ARHGEF7: variants seen among roughly 807,000 people sequenced by gnomAD.
The protein encoded by ARHGEF7 is PAK-interacting exchange factor beta.
A neutral mutation model predicts 109.8 loss-of-function variants in ARHGEF7; 33 were observed. That is an observed-to-expected ratio of 0.30 (90% CI 0.23 to 0.40). ARHGEF7 has a LOEUF of 0.40. ARHGEF7 is among the 10% of genes least tolerant of loss of function. The probability of loss-of-function intolerance (pLI) is 1.00; values close to 1 mark genes in which losing one functional copy is unlikely to be tolerated. For synonymous variants in ARHGEF7, 458 were observed against 424.6 expected (o/e 1.08, Z -0.97); for missense variants, 938 against 1,098.5 (o/e 0.85, Z 2.07).
chr13:111,288,520 T>G, intron 18 of ARHGEF7, 77 bp downstream of exon 18: 1 of 1,198,096 alleles, frequency 8.3e-7, no homozygotes, highest in Non-Finnish European at 1.2e-6. Flanking sequence ...AAGGAACCTG[T>G]TGTGGTAGGC....
chr13:111,271,071 G>A (rs575094329), intron 9 of ARHGEF7, among the ~76,000 whole-genome samples: 7 of 151,628 alleles, frequency 4.6e-5, no homozygotes, highest in South Asian at 4.1e-4. Flanking sequence ...GTGATGGTGT[G>A]GGCAGTGGCC....
chr13:111,241,652 G>A (rs2153541353), intron 6 of ARHGEF7, among the ~76,000 whole-genome samples: 1 of 152,342 alleles, frequency 6.6e-6, no homozygotes, highest in Non-Finnish European at 1.5e-5. Context: ...AGCGCTTAGT[G>A]CTGTGACGGA....
rs2092298279 is a variant in ARHGEF7, at chr13:111,273,402, G to A, written c.1074-412G>A. 6.6e-6 allele frequency among the ~76,000 whole-genome samples: 1 copy of A among 152,360 alleles called. No homozygotes were observed. Among genetic ancestry groups the A allele is most frequent in the South Asian group, 2.1e-4 (1 of 4,822 alleles). ...ATCTGGGGATGACTACCATCAGTGTGCTCTAGCTCTTTACCGGAGCAGCTC... is the reference window on the plus strand; with the variant it reads ...ATCTGGGGATGACTACCATCAGTGTACTCTAGCTCTTTACCGGAGCAGCTC... On this transcript the variant is annotated intron_variant, in intron 9 of 21. Transcript: ENST00000646102. The surrounding 1 kb of genome is among the most constrained non-coding windows in gnomAD (Gnocchi z 4.5).
chr13:111,149,856 A>G (rs1212880563), intron 1 of ARHGEF7, among the ~76,000 whole-genome samples: 1 of 152,240 alleles, frequency 6.6e-6, no homozygotes, highest in Non-Finnish European at 1.5e-5. Flanking sequence ...TCCTGAAAAA[A>G]GCATTAAGTG....
chr13:111,210,140 C>T (rs1367006959), intron 4 of ARHGEF7, 138 bp downstream of exon 4: 1 of 1,140,476 alleles, frequency 8.8e-7, no homozygotes, highest in Non-Finnish European at 1.2e-6. Flanking sequence ...TCCGTTGTGC[C>T]TGTAATCTGG....
At chr13:111,221,503 C>A (rs985212608) in intron 5 of ARHGEF7, among the ~76,000 whole-genome samples, 679 of 47,936 alleles carry the variant, frequency 0.014, 31 homozygotes, top group Middle Eastern at 0.14. Flanking sequence ...ATATATATAT[C>A]TATATATATA....
At chr13:111,223,506 G>T (rs1419704383) in intron 5 of ARHGEF7, among the ~76,000 whole-genome samples, 1 of 152,188 alleles carries the variant, frequency 6.6e-6, no homozygotes, top group South Asian at 2.1e-4. Flanking sequence ...TTTATCTCCA[G>T]ATAAATTGAC....
At chr13:111,221,199 C>CTA (rs369551186) in intron 5 of ARHGEF7, among the ~76,000 whole-genome samples, 4,664 of 47,152 alleles carry the variant, frequency 0.099, 702 homozygotes, top group Middle Eastern at 0.23. Flanking sequence ...CTATATATAT[C>CTA]TATATAGATA....
chr13:111,138,687 C>A (rs566234852), intron 1 of ARHGEF7, among the ~76,000 whole-genome samples: 1 of 152,160 alleles, frequency 6.6e-6, no homozygotes, highest in Admixed American at 6.5e-5. Flanking sequence ...ACCAAAGACA[C>A]ATTGCTCAAT....
intron 8 of ARHGEF7, among the ~76,000 whole-genome samples, chr13:111,250,640 T>C (rs888196285): frequency 7.2e-5 from 11 of 152,166 alleles, no homozygotes; most frequent in Admixed American, 6.5e-4. Flanking sequence ...TTCGGACATT[T>C]GTCTCCCACG....
At chr13:111,117,057 C>T (rs2066838754) in intron 1 of ARHGEF7, among the ~76,000 whole-genome samples, 1 of 152,182 alleles carries the variant, frequency 6.6e-6, no homozygotes, top group Non-Finnish European at 1.5e-5. Context: ...TGTTTGGATA[C>T]TGGTACCTCT....
At chr13:111,192,221 G>T (rs933005435) in intron 2 of ARHGEF7, among the ~76,000 whole-genome samples, 1 of 152,120 alleles carries the variant, frequency 6.6e-6, no homozygotes, top group Non-Finnish European at 1.5e-5. Flanking sequence ...TAACTCGGGT[G>T]TGGTGAATCC....
In ARHGEF7 at chr13:111,145,356, AG is replaced by A. The variant is rs1252097609; in HGVS notation, c.166-8546del. Among the ~76,000 whole-genome samples, 2 of 152,276 alleles carry A rather than the reference AG, an allele frequency of 1.3e-5. No homozygotes were observed. Among genetic ancestry groups the A allele is most frequent in the South Asian group, 2.1e-4 (1 of 4,826 alleles). ...GGTTTATGAGACGATTTATGAAGTG[AG>A]GGCAGGAAGAAGGACAACCTAGAAG... is the stretch of plus-strand genomic sequence containing the variant. On this transcript the variant is annotated intron_variant, in intron 1 of 21. Transcript: ENST00000646102. This position sits in a 1 kb window ranked among gnomAD's most constrained non-coding sequence, Gnocchi z 4.3.
At chr13:111,133,856 G>A (rs1238394515) in intron 1 of ARHGEF7, among the ~76,000 whole-genome samples, 2 of 140,670 alleles carry the variant, frequency 1.4e-5, no homozygotes, top group Non-Finnish European at 3.0e-5. Flanking sequence ...ACAGTGTGCA[G>A]GTTTGTTACA....
At chr13:111,207,156 C>T (rs2081992068) in intron 3 of ARHGEF7, among the ~76,000 whole-genome samples, 1 of 152,088 alleles carries the variant, frequency 6.6e-6, no homozygotes, top group Non-Finnish European at 1.5e-5. Context: ...CATATTCATC[C>T]ATGCCTCAGA....
At chr13:111,283,842 G>A (rs2092903168) in intron 16 of ARHGEF7, among the ~76,000 whole-genome samples, 1 of 152,136 alleles carries the variant, frequency 6.6e-6, no homozygotes, top group Admixed American at 6.5e-5. Context: ...CAATCACTTA[G>A]GCGGTTTCCC....
At chr13:111,116,181 G>T (rs2066761351) in intron 1 of ARHGEF7, among the ~76,000 whole-genome samples, 1 of 152,220 alleles carries the variant, frequency 6.6e-6, no homozygotes, top group East Asian at 1.9e-4. Flanking sequence ...GCACGCATCT[G>T]TAGCTGAGGG....
intron 2 of ARHGEF7, among the ~76,000 whole-genome samples, chr13:111,200,512 G>T (rs2081095669): frequency 6.6e-6 from 1 of 151,156 alleles, no homozygotes; most frequent in Admixed American, 6.6e-5. Flanking sequence ...ACAACTGGAA[G>T]TGACTTTAGA....
At chr13:111,207,364 C>T (rs892207541) in intron 3 of ARHGEF7, among the ~76,000 whole-genome samples, 35 of 152,148 alleles carry the variant, frequency 2.3e-4, no homozygotes, top group African/African-American at 8.0e-4. Context: ...GATGGGGTTT[C>T]GCTGTGCTGC....
Sources: gnomAD v4.1 joint callset for allele counts (sites outside exome capture counted in the v4.1 genomes callset) on GRCh38, gnomAD v4.1.1 for gene constraint, Gnocchi (gnomAD v3.1) non-coding constraint, MANE v1.5 for transcripts, NCBI Gene and HGNC (gene_info 2026-07-23, HGNC 2026-07-21) for gene names.